The following TSPAN9 variants were observed in gnomAD, a reference collection of about 807,000 sequenced individuals.
TSPAN9 encodes the protein tetraspanin 9.
In TSPAN9, 16 loss-of-function variants were observed where a neutral mutation model predicts 31.0. The ratio of observed to expected loss-of-function variants is 0.52; its 90% CI spans 0.35 to 0.78. TSPAN9 has a LOEUF of 0.78. Among genes scored for constraint, TSPAN9 ranks in the 30% least tolerant of loss-of-function variants. TSPAN9 has a pLI of 0.01. For synonymous variants in TSPAN9, 145 were observed against 121.6 expected, an observed-to-expected ratio of 1.19 and a Z score of -1.27; for missense variants, 272 against 312.5, an observed-to-expected ratio of 0.87 and a Z score of 0.98.
intron 2 of TSPAN9, among the ~76,000 whole-genome samples, chr12:3,148,567 T>C (rs2098338351): frequency 6.6e-6 from 1 of 152,182 alleles, no homozygotes; most frequent in Non-Finnish European, 1.5e-5. Flanking sequence ...TGTGGGGCTG[T>C]CTGCTCCAGG....
intron 2 of TSPAN9, among the ~76,000 whole-genome samples, chr12:3,122,395 G>A (rs1434854679): frequency 6.6e-6 from 1 of 151,902 alleles, no homozygotes; most frequent in Non-Finnish European, 1.5e-5. Context: ...GCTCACTGCA[G>A]CGTTGATCGG....
intron 2 of TSPAN9, among the ~76,000 whole-genome samples, chr12:3,109,159 A>T (rs555547953): frequency 6.6e-6 from 1 of 151,464 alleles, no homozygotes; most frequent in Non-Finnish European, 1.5e-5. Flanking sequence ...GATGGTCTCG[A>T]TCTCCTGACC....
rs75297914 is a variant in TSPAN9 at position 3,205,720 on chromosome 12, C to A, written c.63+4464C>A. ...CCTGGGCAGCAAGAGGCACTTAGGC[C>A]CCCCCCCCCCAGAGTGCTCAGGTGT... is the stretch of plus-strand genomic sequence containing the variant. On this transcript the variant is annotated intron_variant, in intron 3 of 8. Transcript: ENST00000011898. 8.3e-3 allele frequency among the ~76,000 whole-genome samples: 402 copies of A among 48,334 alleles called. 2 individuals carry two copies. The highest frequency in any genetic ancestry group is 0.057 in the East Asian group (77 of 1,360). 31.7% of individuals were successfully genotyped at this position (48,334 alleles called of 152,430 possible). A position where few individuals can be genotyped will look rare whatever the true frequency, so the allele number is the denominator to read the frequency against.
intron 2 of TSPAN9, among the ~76,000 whole-genome samples, chr12:3,176,134 T>C (rs1555148322): frequency 6.6e-6 from 1 of 152,252 alleles, no homozygotes; most frequent in Non-Finnish European, 1.5e-5. Context: ...TCCCCTGCTG[T>C]GAGCCAGGGA....
intron 2 of TSPAN9, among the ~76,000 whole-genome samples, chr12:3,128,730 C>T (rs1272841890): frequency 6.6e-6 from 1 of 152,188 alleles, no homozygotes; most frequent in Non-Finnish European, 1.5e-5. Context: ...GATTCAGCAC[C>T]TCATCACATC....
chr12:3,202,236 G>A (rs993516992), intron 3 of TSPAN9, among the ~76,000 whole-genome samples: 46 of 152,286 alleles, frequency 3.0e-4, no homozygotes, highest in African/African-American at 1.0e-3. Context: ...AAGCCCCGAC[G>A]TAGCACAGAT....
intron 3 of TSPAN9, among the ~76,000 whole-genome samples, chr12:3,262,123 A>G (rs1591711876): frequency 6.6e-6 from 1 of 152,202 alleles, no homozygotes. Flanking sequence ...AATAATTTCT[A>G]CTTCCAGAGA....
rs1565591211 is a variant in TSPAN9 at position 3,143,211 on chromosome 12, C to CTG, written c.-17-57966_-17-57965insTG. 6.7e-6 allele frequency among the ~76,000 whole-genome samples: 1 copy of CTG among 149,084 alleles called. No individual in the cohort carries two copies. Among genetic ancestry groups the CTG allele is most frequent in the African/African-American group, 2.5e-5 (1 of 39,378 alleles). ...AAGGTGATGTCTGCCAGGTATCTCC[C>CTG]GTATATAAAGTGGCCCCTTTTTCTT... On this transcript the variant is annotated intron_variant, in intron 2 of 8. Transcript: ENST00000011898. This position sits in a 1 kb window ranked among gnomAD's most constrained non-coding sequence, Gnocchi z 4.2.
chr12:3,115,210 G>C (rs2098321602), intron 2 of TSPAN9, among the ~76,000 whole-genome samples: 1 of 152,094 alleles, frequency 6.6e-6, no homozygotes, highest in Non-Finnish European at 1.5e-5. Context: ...CTTCCACTTA[G>C]CATAAGGTTT....
At chr12:3,257,346 C>T (rs1862366007) in intron 3 of TSPAN9, among the ~76,000 whole-genome samples, 2 of 152,034 alleles carry the variant, frequency 1.3e-5, no homozygotes, top group African/African-American at 4.8e-5. Flanking sequence ...ACCCCATTTC[C>T]TCCCAAGTGG....
chr12:3,280,090 GT>G lies in TSPAN9; in HGVS notation c.331-285del, dbSNP rs34618677. Reference sequence around the variant, plus strand: ...ATGGGGGAGTGGAGGCACGTGGTGTGTTTTTTTGCCTCTGGGTGTTACAGCC... The same window carrying G: ...ATGGGGGAGTGGAGGCACGTGGTGTGTTTTTTGCCTCTGGGTGTTACAGCC... On this transcript the variant is annotated intron_variant, in intron 5 of 8. Transcript: ENST00000011898. This position sits in a 1 kb window ranked among gnomAD's most constrained non-coding sequence, Gnocchi z 4.5. 6.6e-6 allele frequency among the ~76,000 whole-genome samples: 1 copy of G among 152,060 alleles called. No homozygotes were observed. The highest frequency in any genetic ancestry group is 2.4e-5 in the African/African-American group (1 of 41,392).
rs1862938808 is a variant in TSPAN9 at position 3,283,350 on chromosome 12, T to A, written c.*234T>A. 5 of 509,266 alleles carry A rather than the reference T, an allele frequency of 9.8e-6. No homozygotes were observed. Among genetic ancestry groups the A allele is most frequent in the Non-Finnish European group, 1.7e-5 (5 of 289,234 alleles). 31.5% of individuals were successfully genotyped at this position (509,266 alleles called of 1,614,324 possible). On this transcript the variant is annotated 3_prime_UTR_variant, in exon 9 of 9. Coordinates refer to ENST00000011898, the MANE Select transcript of TSPAN9 (RefSeq NM_006675.5). Reference sequence around the variant, plus strand: ...GCCCCTGGATTCCTGCATCTGCATATGCGTATTTGCCAAAGACGACAGGGT... The same window carrying A: ...GCCCCTGGATTCCTGCATCTGCATAAGCGTATTTGCCAAAGACGACAGGGT...
chr12:3,256,096 C>A (rs151302003), intron 3 of TSPAN9, among the ~76,000 whole-genome samples: 17 of 152,304 alleles, frequency 1.1e-4, no homozygotes, highest in African/African-American at 4.1e-4. Flanking sequence ...CCACTCCCAC[C>A]CCTTTGCTGC....
rs377313952 is a variant in TSPAN9 at position 3,196,490 on chromosome 12, T to A, written c.-17-4687T>A. On this transcript the variant is annotated intron_variant, in intron 2 of 8. Coordinates refer to ENST00000011898, the MANE Select transcript of TSPAN9 (RefSeq NM_006675.5). ...GGTGCATGGGCTGTGAAATCAGTTTTCTTTTCTGTAAAATGGGGATAATAG... is the reference window on the plus strand; with the variant it reads ...GGTGCATGGGCTGTGAAATCAGTTTACTTTTCTGTAAAATGGGGATAATAG... Among the ~76,000 whole-genome samples, 5 of 152,232 alleles carry A rather than the reference T, an allele frequency of 3.3e-5. No homozygotes were observed. In the East Asian group the frequency reaches 5.8e-4, roughly 18 times the overall value.
intron 3 of TSPAN9, among the ~76,000 whole-genome samples, chr12:3,220,190 A>G (rs73254438): frequency 0.046 from 6,898 of 150,298 alleles, 208 homozygotes; most frequent in African/African-American, 0.086. Flanking sequence ...CTTCAAAGAG[A>G]CCTTACTAGT....
chr12:3,155,507 G>C (rs1462996878), intron 2 of TSPAN9, among the ~76,000 whole-genome samples: 1 of 152,106 alleles, frequency 6.6e-6, no homozygotes, highest in African/African-American at 2.4e-5. Flanking sequence ...GCCGAGGCGG[G>C]AGGATCCCTT....
chr12:3,141,482 C>T (rs978642277), intron 2 of TSPAN9, among the ~76,000 whole-genome samples: 2 of 152,150 alleles, frequency 1.3e-5, no homozygotes, highest in Admixed American at 6.5e-5. Context: ...CCTCTGAGGC[C>T]CACACATCTT....
At chr12:3,155,273 T>TG (rs946657924) in intron 2 of TSPAN9, among the ~76,000 whole-genome samples, 1 of 152,002 alleles carries the variant, frequency 6.6e-6, no homozygotes, top group Non-Finnish European at 1.5e-5. Context: ...ATAAAAATCA[T>TG]GGGGTGTGGG....
At position 3,085,520 on chromosome 12, in the gene TSPAN9, G is replaced by A. The variant is rs143632458; in HGVS notation, c.-18+1801G>A. The stretch of plus-strand genomic sequence containing the variant: ...TCTCTGATGGCTGTGGCTCCAGGGG[G>A]CTTTGGTTTTGCATTTCTCGTCATG... On this transcript the variant is annotated intron_variant, in intron 2 of 8. Transcript: ENST00000011898. Among the ~76,000 whole-genome samples the A allele has an allele frequency of 1.1e-4, 16 of 152,214 alleles. No individual in the cohort carries two copies. The East Asian group carries it at 2.3e-3, about 22-fold the overall frequency.
Sources: allele counts gnomAD v4.1 joint callset (sites outside exome capture counted in the v4.1 genomes callset), GRCh38; gene constraint gnomAD v4.1.1; non-coding constraint Gnocchi (gnomAD v3.1); transcripts MANE v1.5; gene names NCBI Gene and HGNC (gene_info 2026-07-23, HGNC 2026-07-21).